The following NCOA1 variants were observed in gnomAD, a reference collection of about 807,000 sequenced individuals.
The protein encoded by NCOA1 is nuclear receptor coactivator 1, also known as Hin-2 protein.
NCOA1 carries 35 observed loss-of-function variants against 150.9 expected under a neutral mutation model. That is an observed-to-expected ratio of 0.23 (90% CI 0.18 to 0.31). The LOEUF is 0.31. NCOA1 is among the 10% of genes least tolerant of loss of function. The pLI, the probability that NCOA1 is intolerant of heterozygous loss-of-function variation, is 1.00. For synonymous variants in NCOA1, 590 were observed against 630.0 expected (o/e 0.94, Z 0.95); for missense variants, 1,491 against 1,749.3 (o/e 0.85, Z 2.63).
intron 1 of NCOA1, among the ~76,000 whole-genome samples, chr2:24,535,030 T>A (rs1182260057): frequency 6.6e-6 from 1 of 152,170 alleles, no homozygotes; most frequent in Non-Finnish European, 1.5e-5. Context: ...TATTGATCTG[T>A]CTAATATTGA....
rs1307358917 is a variant in NCOA1, at chr2:24,501,017, T to C, written c.-396+9415T>C. Among the ~76,000 whole-genome samples, 9 of 152,336 alleles carry C rather than the reference T, an allele frequency of 5.9e-5. No homozygotes were observed. In the South Asian group the frequency reaches 1.7e-3, roughly 28 times the overall value. The stretch of plus-strand genomic sequence containing the variant: ...GAATTTTCTAACCTGTATAAAAATC[T>C]TTTAAAAGAGCTGTTTAGTGATTTT... On this transcript the variant is annotated intron_variant, in intron 1 of 22. Transcript: ENST00000348332.
At chr2:24,742,303 C>T (rs1213862749) in intron 19 of NCOA1, 117 bp downstream of exon 19, 58 of 1,237,840 alleles carry the variant, frequency 4.7e-5, no homozygotes, top group South Asian at 8.0e-5. Context: ...AAGACACTGA[C>T]GTGGGAGTCT....
chr2:24,764,558 G>T (rs553486515), intron 22 of NCOA1, among the ~76,000 whole-genome samples: 1 of 152,312 alleles, frequency 6.6e-6, no homozygotes, highest in Non-Finnish European at 1.5e-5. Flanking sequence ...GAACTGGAAG[G>T]CCACAGAAAC....
At chr2:24,556,315 A>G (rs1191441806) in intron 1 of NCOA1, among the ~76,000 whole-genome samples, 1 of 152,234 alleles carries the variant, frequency 6.6e-6, no homozygotes, top group Non-Finnish European at 1.5e-5. Flanking sequence ...TGTACCTGCA[A>G]AAGACATGAT....
intron 1 of NCOA1, among the ~76,000 whole-genome samples, chr2:24,518,680 G>T (rs1471619893): frequency 1.3e-5 from 2 of 152,086 alleles, no homozygotes; most frequent in African/African-American, 4.8e-5. Context: ...TTGTATATTG[G>T]CAATGAACAT....
chr2:24,602,018 C>T (rs1668145268), intron 3 of NCOA1, among the ~76,000 whole-genome samples: 1 of 152,108 alleles, frequency 6.6e-6, no homozygotes, highest in African/African-American at 2.4e-5. Flanking sequence ...AATTATTATG[C>T]CTTCACCGTT....
rs137939961 is a variant in NCOA1, at chr2:24,503,611, A to G, written c.-396+12009A>G. On this transcript the variant is annotated intron_variant, in intron 1 of 22. Coordinates refer to ENST00000348332, the MANE Select transcript of NCOA1 (RefSeq NM_003743.5). Reference sequence around the variant, plus strand: ...AATCATACATGAATTTAAAAATAATATACAATACAAAATATGTCACATGAG... The same window carrying G: ...AATCATACATGAATTTAAAAATAATGTACAATACAAAATATGTCACATGAG... Among the ~76,000 whole-genome samples the G allele has an allele frequency of 2.1e-3, 316 of 152,324 alleles. 3 individuals are homozygous for G. The highest frequency in any genetic ancestry group is 0.017 in the Middle Eastern group (5 of 294).
chr2:24,646,853 C>G (rs1670499693), intron 4 of NCOA1, among the ~76,000 whole-genome samples: 2 of 150,860 alleles, frequency 1.3e-5, no homozygotes, highest in Non-Finnish European at 1.5e-5. Context: ...TACACACATA[C>G]ACACACACAC....
At chr2:24,683,645 G>A (rs888699209) in intron 8 of NCOA1, among the ~76,000 whole-genome samples, 6 of 152,146 alleles carry the variant, frequency 3.9e-5, no homozygotes, top group African/African-American at 9.7e-5. Context: ...TGAACCCTGT[G>A]CCTTGGGGCA....
chr2:24,708,419 C>G (rs1550383), intron 13 of NCOA1, among the ~76,000 whole-genome samples: 25,088 of 152,020 alleles, frequency 0.17, 2,504 homozygotes, highest in Non-Finnish European at 0.23. Context: ...TTCTGGGTAA[C>G]AGAATATTGC....
At chr2:24,611,732 T>TG in intron 3 of NCOA1, among the ~76,000 whole-genome samples, 1 of 152,208 alleles carries the variant, frequency 6.6e-6, no homozygotes, top group East Asian at 1.9e-4. Context: ...ATGTAAGACT[T>TG]GCAACCCCTG....
intron 3 of NCOA1, among the ~76,000 whole-genome samples, chr2:24,595,233 T>C (rs912542558): frequency 3.9e-5 from 6 of 152,098 alleles, no homozygotes; most frequent in African/African-American, 1.4e-4. Context: ...TATAACTTGT[T>C]TTTTAAAAAT....
intron 1 of NCOA1, among the ~76,000 whole-genome samples, chr2:24,533,862 T>G (rs1665003461): frequency 6.6e-6 from 1 of 152,214 alleles, no homozygotes; most frequent in African/African-American, 2.4e-5. Context: ...TTATTGAGGA[T>G]TTTCACATCG....
In NCOA1 at chr2:24,732,228, T is replaced by C. The variant is rs555212770; in HGVS notation, c.3201+2413T>C. On this transcript the variant is annotated intron_variant, in intron 17 of 22. Transcript: ENST00000348332. ...GGTATGAGAATAAGATGCAAATAAG[T>C]GAAAGTTGCTGCTCTTTGCTTCCCT... is the stretch of plus-strand genomic sequence containing the variant. Among the ~76,000 whole-genome samples, 24 of 152,322 alleles carry C rather than the reference T, an allele frequency of 1.6e-4. 1 individual carries two copies. In the East Asian group the frequency reaches 2.7e-3, roughly 17 times the overall value.
chr2:24,627,903 C>T (rs563327474), intron 3 of NCOA1, among the ~76,000 whole-genome samples: 1 of 152,346 alleles, frequency 6.6e-6, no homozygotes, highest in East Asian at 1.9e-4. Flanking sequence ...AAATGCTCTT[C>T]CTCCAAGTAA....
chr2:24,533,950 GC>G (rs1394675692), intron 1 of NCOA1, among the ~76,000 whole-genome samples: 1 of 152,152 alleles, frequency 6.6e-6, no homozygotes, highest in African/African-American at 2.4e-5. Flanking sequence ...GATGATGCTG[GC>G]CTCATAAAAT....
chr2:24,541,848 C>G (rs561987930), intron 1 of NCOA1, among the ~76,000 whole-genome samples: 22 of 152,126 alleles, frequency 1.4e-4, no homozygotes, highest in African/African-American at 5.3e-4. Context: ...CAGATGGCTG[C>G]CTGTGAAATA....
chr2:24,700,469 G>C (rs929795150), intron 11 of NCOA1, among the ~76,000 whole-genome samples: 2 of 152,040 alleles, frequency 1.3e-5, no homozygotes, highest in Non-Finnish European at 2.9e-5. Context: ...TTTTAGTTTA[G>C]TTTTTTAGCT....
chr2:24,698,978 T>C (rs1673030118), intron 11 of NCOA1, among the ~76,000 whole-genome samples: 1 of 152,196 alleles, frequency 6.6e-6, no homozygotes, highest in African/African-American at 2.4e-5. Context: ...CTTACTAGAC[T>C]TATACCACCT....
Sources: allele counts gnomAD v4.1 joint callset (sites outside exome capture counted in the v4.1 genomes callset), GRCh38; gene constraint gnomAD v4.1.1; transcripts MANE v1.5; gene names NCBI Gene and HGNC (gene_info 2026-07-23, HGNC 2026-07-21).